Variants in ATP8A2 observed in about 807,000 individuals in gnomAD.
ATP8A2 encodes the protein ATPase phospholipid transporting 8A2.
ATP8A2 carries 100 observed loss-of-function variants against 165.6 expected under a neutral mutation model. The observed-to-expected ratio is 0.60, with a 90% CI of 0.51 to 0.71. The LOEUF is 0.71. ATP8A2 is among the 30% of genes least tolerant of loss of function. The pLI, the probability that ATP8A2 is intolerant of heterozygous loss-of-function variation, is 0.00. For missense variants in ATP8A2, 1,227 were observed against 1,479.5 expected, an observed-to-expected ratio of 0.83 and a Z score of 2.80; for synonymous variants, 543 against 548.8, an observed-to-expected ratio of 0.99 and a Z score of 0.15.
intron 33 of ATP8A2, among the ~76,000 whole-genome samples, chr13:25,936,371 C>T (rs4770888): frequency 0.35 from 52,752 of 152,078 alleles, 9,417 homozygotes; most frequent in African/African-American, 0.42. Flanking sequence ...TGAGTGTCTG[C>T]GGAAGTCATT....
intron 24 of ATP8A2, among the ~76,000 whole-genome samples, chr13:25,677,832 A>G (rs1269274443): frequency 6.6e-6 from 1 of 152,184 alleles, no homozygotes; most frequent in Non-Finnish European, 1.5e-5. Flanking sequence ...GCAGATGGGA[A>G]CAGGGGTGTT....
chr13:25,514,830 T>C (rs896398194), intron 2 of ATP8A2, among the ~76,000 whole-genome samples: 1 of 152,180 alleles, frequency 6.6e-6, no homozygotes, highest in Non-Finnish European at 1.5e-5. Flanking sequence ...GTTCCCCTCC[T>C]GTCCACAGGC....
At position 25,694,022 on chromosome 13, in the gene ATP8A2, G is replaced by A. The variant is rs115683226; in HGVS notation, c.2212-5151G>A. Among the ~76,000 whole-genome samples, 1,151 of 152,230 alleles carry A rather than the reference G, an allele frequency of 7.6e-3. 9 individuals carry two copies. The highest frequency in any genetic ancestry group is 0.026 in the African/African-American group (1,078 of 41,548). ...TGGGATTACAGGCGTGCACCACCAC[G>A]CACATCTAATTTTTTTGTATTTTTT... On this transcript the variant is annotated intron_variant, in intron 24 of 36. Coordinates refer to ENST00000381655, the MANE Select transcript of ATP8A2 (RefSeq NM_016529.6).
intron 35 of ATP8A2, among the ~76,000 whole-genome samples, chr13:25,979,184 T>C (rs961629031): frequency 2.6e-5 from 4 of 152,182 alleles, no homozygotes; most frequent in Admixed American, 6.5e-5. Flanking sequence ...ATCATTGGCC[T>C]TGTGGTTGAG....
At chr13:25,978,712 C>G (rs183010035) in intron 35 of ATP8A2, among the ~76,000 whole-genome samples, 1 of 152,004 alleles carries the variant, frequency 6.6e-6, no homozygotes, top group Non-Finnish European at 1.5e-5. Flanking sequence ...GAGGCTGAGG[C>G]GGGCGGATCA....
At chr13:25,896,509 GTTGAT>G (rs201908503) in intron 33 of ATP8A2, among the ~76,000 whole-genome samples, 12,045 of 152,150 alleles carry the variant, frequency 0.079, 1,221 homozygotes, top group African/African-American at 0.23. Context: ...CGTATATTCT[GTTGAT>G]TTGGGGTGGA....
rs781078252 is a variant in ATP8A2 at position 25,577,119 on chromosome 13, G to A, written c.1763G>A (p.Arg588Gln). 1.5e-5 allele frequency: 24 copies of A among 1,613,854 alleles called. No individual in the cohort carries two copies. The highest frequency in any genetic ancestry group is 4.5e-5 in the East Asian group (2 of 44,868). The change falls in exon 20 of 37, where the codon CGG becomes CAG. Residue 588 changes from arginine (R) to glutamine (Q), a missense_variant. Around this residue, in one of 5 missense-constraint regions of ATP8A2, gnomAD observed 592 missense variants for 785.6 expected, o/e 0.75. Coordinates refer to ENST00000381655, the MANE Select transcript of ATP8A2 (RefSeq NM_016529.6). ...GTTCGAACTCCTTCAGGACGACTTC[G>A]GCTTTACTGTAAAGGGGCTGTAAGT... ...VIVRTPSGRLRLYCKGADNVI... is the reference protein window; with the variant it reads ...VIVRTPSGRLQLYCKGADNVI...
intron 24 of ATP8A2, among the ~76,000 whole-genome samples, chr13:25,643,481 C>A (rs1437198123): frequency 1.3e-5 from 2 of 152,060 alleles, no homozygotes; most frequent in East Asian, 3.9e-4. Context: ...CCAGTTTCAT[C>A]CTTCTGTGTA....
intron 33 of ATP8A2, chr13:25,868,054 C>A: frequency 2.2e-6 from 1 of 453,038 alleles, no homozygotes; most frequent in Non-Finnish European, 4.4e-6. Context: ...CTGTGTGCTG[C>A]CCGGCCTTGT....
chr13:25,525,334 T>G (rs1231813113), intron 2 of ATP8A2, among the ~76,000 whole-genome samples: 1 of 152,156 alleles, frequency 6.6e-6, no homozygotes, highest in Non-Finnish European at 1.5e-5. Context: ...ATGAGTGGAT[T>G]GCACACCACA....
At chr13:25,820,165 GAGCCTGTGCAATT>G (rs1198967497) in intron 27 of ATP8A2, among the ~76,000 whole-genome samples, 1 of 152,342 alleles carries the variant, frequency 6.6e-6, no homozygotes, top group East Asian at 1.9e-4. Context: ...GTCCAGACAG[GAGCCTGTGCAATT>G]AGCCAAGACG....
chr13:25,915,705 C>T (rs910129220), intron 33 of ATP8A2, among the ~76,000 whole-genome samples: 7 of 152,324 alleles, frequency 4.6e-5, no homozygotes, highest in Admixed American at 4.6e-4. Context: ...GCAGAACTGA[C>T]TCCAGTCCTA....
intron 27 of ATP8A2, among the ~76,000 whole-genome samples, chr13:25,807,843 C>G (rs747318403): frequency 3.9e-5 from 6 of 152,154 alleles, no homozygotes; most frequent in Admixed American, 3.9e-4. Flanking sequence ...CCTAAAATCA[C>G]TTGTCTGTCT....
rs541006907 is a variant in ATP8A2, at chr13:25,512,941, C to T, written c.222-17058C>T. 9.7e-3 allele frequency among the ~76,000 whole-genome samples: 1,343 copies of T among 138,022 alleles called. 6 individuals carry two copies. The highest frequency in any genetic ancestry group is 0.014 in the Middle Eastern group (3 of 216). The allele number at this position is 138,022 out of a possible 152,430, so 90.5% of individuals were successfully genotyped here. A position where few individuals can be genotyped will look rare whatever the true frequency, so the allele number is the denominator to read the frequency against. On this transcript the variant is annotated intron_variant, in intron 2 of 36. Transcript: ENST00000381655. Reference sequence around the variant, plus strand: ...CCCCCCACCTCCCTCCCGGATGGGGCGGCTGGCCGGGTGGGGGGCTGACCC... The same window carrying T: ...CCCCCCACCTCCCTCCCGGATGGGGTGGCTGGCCGGGTGGGGGGCTGACCC...
intron 35 of ATP8A2, among the ~76,000 whole-genome samples, chr13:25,982,016 A>AT (rs1434398380): frequency 6.6e-6 from 1 of 152,088 alleles, no homozygotes; most frequent in Non-Finnish European, 1.5e-5. Flanking sequence ...TCCCATATCT[A>AT]TTTTTTTGGC....
intron 24 of ATP8A2, among the ~76,000 whole-genome samples, chr13:25,627,292 A>G (rs943774123): frequency 6.6e-6 from 1 of 152,166 alleles, no homozygotes; most frequent in Non-Finnish European, 1.5e-5. Context: ...AGACAAGGAA[A>G]GACCATGCCA....
intron 27 of ATP8A2, among the ~76,000 whole-genome samples, chr13:25,818,838 A>G (rs1164862406): frequency 6.6e-6 from 1 of 152,192 alleles, no homozygotes; most frequent in Non-Finnish European, 1.5e-5. Flanking sequence ...AGTGGAATCA[A>G]TATAATCTCT....
intron 1 of ATP8A2, among the ~76,000 whole-genome samples, chr13:25,410,008 A>ACG (rs2138056044): frequency 4.5e-3 from 1 of 222 alleles, no homozygotes; most frequent in East Asian, 0.25. Flanking sequence ...ATATTTTTGT[A>ACG]TGTGTATTCA....
chr13:25,756,951 A>G (rs2138224633), intron 25 of ATP8A2, among the ~76,000 whole-genome samples: 1 of 152,282 alleles, frequency 6.6e-6, no homozygotes, highest in East Asian at 1.9e-4. Context: ...AGAGGCAGGG[A>G]GCCCCTGTAC....
Sources: allele counts gnomAD v4.1 joint callset (sites outside exome capture counted in the v4.1 genomes callset), GRCh38; gene constraint gnomAD v4.1.1; regional missense constraint gnomAD v4.1.1; transcripts MANE v1.5; gene names NCBI Gene and HGNC (gene_info 2026-07-23, HGNC 2026-07-21).